CDIN1: variants seen among roughly 807,000 people sequenced by gnomAD.
CDIN1 encodes the protein CDAN1-interacting nuclease 1.
A neutral mutation model predicts 45.3 loss-of-function variants in CDIN1; 33 were observed. The ratio of observed to expected loss-of-function variants is 0.73; its 90% CI spans 0.55 to 0.97. The LOEUF is 0.97. Ranked by LOEUF, CDIN1 falls within the 50% of genes least tolerant of loss-of-function variation. The pLI is 0.00. For synonymous variants in CDIN1, 118 were observed against 124.4 expected, an observed-to-expected ratio of 0.95 and a Z score of 0.34; for missense variants, 303 against 339.4, an observed-to-expected ratio of 0.89 and a Z score of 0.84.
intron 1 of CDIN1, among the ~76,000 whole-genome samples, chr15:36,603,342 G>C (rs1455870527): frequency 6.6e-6 from 1 of 152,182 alleles, no homozygotes; most frequent in Non-Finnish European, 1.5e-5. Flanking sequence ...AAAGTAAAGG[G>C]TTAGATAATC....
intron 1 of CDIN1, among the ~76,000 whole-genome samples, chr15:36,621,721 G>A (rs772911885): frequency 1.3e-4 from 20 of 152,102 alleles, no homozygotes; most frequent in Non-Finnish European, 2.4e-4. Context: ...TAAACATTCT[G>A]TAAAAACAAA....
At chr15:36,702,256 G>A in intron 8 of CDIN1, 2 of 644,588 alleles carry the variant, frequency 3.1e-6, no homozygotes, top group Non-Finnish European at 5.6e-6. Flanking sequence ...GGTGGGAGGT[G>A]GGGGATTTGG....
chr15:36,661,248 T>A (rs886404695), intron 5 of CDIN1, among the ~76,000 whole-genome samples: 2 of 152,206 alleles, frequency 1.3e-5, no homozygotes. Flanking sequence ...CAGGTTTTCC[T>A]GTCACATCAC....
intron 1 of CDIN1, chr15:36,591,995 T>C (rs717315): frequency 0.58 from 88,217 of 152,092 alleles, 25,875 homozygotes; most frequent in Middle Eastern, 0.68. Flanking sequence ...GTGGCCACTT[T>C]ATGCCAGCCA....
chr15:36,793,109 G>T (rs2054691291), intron 10 of CDIN1, among the ~76,000 whole-genome samples: 1 of 152,114 alleles, frequency 6.6e-6, no homozygotes, highest in Non-Finnish European at 1.5e-5. Flanking sequence ...TCAGAGCCTT[G>T]CCAGGTAAGA....
chr15:36,701,493 G>A (rs11636325), intron 8 of CDIN1, among the ~76,000 whole-genome samples: 67,722 of 151,876 alleles, frequency 0.45, 15,740 homozygotes, highest in African/African-American at 0.58. Flanking sequence ...AAGACAGTTT[G>A]CCCTGTTAGC....
intron 3 of CDIN1, among the ~76,000 whole-genome samples, chr15:36,652,677 T>C (rs1056764647): frequency 1.3e-5 from 2 of 152,216 alleles, no homozygotes; most frequent in African/African-American, 4.8e-5. Flanking sequence ...GTGGCCCCAA[T>C]ATGTGGAAAA....
At chr15:36,787,100 CTTTGT>C (rs1259275526) in intron 10 of CDIN1, among the ~76,000 whole-genome samples, 2 of 152,172 alleles carry the variant, frequency 1.3e-5, no homozygotes, top group Non-Finnish European at 2.9e-5. Context: ...CAGATTCAAT[CTTTGT>C]TTTGTTTTTA....
At chr15:36,680,772 G>T (rs1310031163) in intron 5 of CDIN1, among the ~76,000 whole-genome samples, 2 of 152,136 alleles carry the variant, frequency 1.3e-5, no homozygotes, top group Non-Finnish European at 2.9e-5. Context: ...GTGGCCTTGG[G>T]TTGTGCAGTA....
chr15:36,592,552 A>G (rs1416088965), intron 1 of CDIN1, among the ~76,000 whole-genome samples: 1 of 152,156 alleles, frequency 6.6e-6, no homozygotes, highest in African/African-American at 2.4e-5. Context: ...GACTCACACT[A>G]CTACCATGTG....
intron 10 of CDIN1, among the ~76,000 whole-genome samples, chr15:36,754,159 G>T (rs2140979133): frequency 6.6e-6 from 1 of 152,236 alleles, no homozygotes; most frequent in Middle Eastern, 3.4e-3. Context: ...GGCCCTCTAA[G>T]TATATTCTGG....
intron 10 of CDIN1, among the ~76,000 whole-genome samples, chr15:36,754,394 A>G (rs1024678890): frequency 6.6e-6 from 1 of 152,154 alleles, no homozygotes; most frequent in African/African-American, 2.4e-5. Context: ...CTCTTTAAAT[A>G]TTAAAATGGA....
chr15:36,738,224 C>T (rs552515734), intron 10 of CDIN1, among the ~76,000 whole-genome samples: 2 of 152,246 alleles, frequency 1.3e-5, no homozygotes, highest in African/African-American at 4.8e-5. Flanking sequence ...CCCTGAACTT[C>T]AGGACCCATA....
chr15:36,629,191 A>G lies in CDIN1; in HGVS notation c.102-15087A>G, dbSNP rs775592895. The stretch of plus-strand genomic sequence containing the variant: ...AAATTTCTGTTATTTTAATCCACCA[A>G]GTTTTTGGTAATTTGTTACAGTAAC... On this transcript the variant is annotated intron_variant, in intron 1 of 10. Coordinates refer to ENST00000566621, the MANE Select transcript of CDIN1 (RefSeq NM_001321759.2). Among the ~76,000 whole-genome samples the G allele has an allele frequency of 5.3e-5, 8 of 152,202 alleles. No individual in the cohort carries two copies. The East Asian group carries it at 5.8e-4, about 11-fold the overall frequency.
intron 8 of CDIN1, among the ~76,000 whole-genome samples, chr15:36,703,293 T>C (rs1566914684): frequency 9.1e-6 from 1 of 110,430 alleles, no homozygotes; most frequent in Non-Finnish European, 1.8e-5. Context: ...GATATATACA[T>C]ATATCAGATA....
At position 36,692,174 on chromosome 15, in the gene CDIN1, C is replaced by T. The variant is rs1282843097; in HGVS notation, c.475C>T (p.His159Tyr). 6.2e-7 allele frequency: 1 copy of T among 1,613,508 alleles called. No individual in the cohort carries two copies. The highest frequency in any genetic ancestry group is 8.5e-7 in the Non-Finnish European group (1 of 1,179,714). ...CGGACCACTAGTGGACTGCATCAAGCAGTATCCTTTCCCATAAAATTTTAG... is the reference window on the plus strand; with the variant it reads ...CGGACCACTAGTGGACTGCATCAAGTAGTATCCTTTCCCATAAAATTTTAG... ...CYGPLVDCIKHAIGHEHEVLL... is the reference protein window; with the variant it reads ...CYGPLVDCIKYAIGHEHEVLL... Residue 159 changes from histidine to tyrosine, a missense_variant and splice_region_variant, in exon 7 of 11, where the codon CAT (histidine) becomes TAT (tyrosine). Physicochemically the swap from His to Tyr is moderately conservative, Grantham distance 83. Transcript: ENST00000566621.
intron 10 of CDIN1, among the ~76,000 whole-genome samples, chr15:36,748,637 T>G (rs1434968480): frequency 6.6e-6 from 1 of 152,178 alleles, no homozygotes; most frequent in Non-Finnish European, 1.5e-5. Context: ...TTTTTTCCAT[T>G]TTAGATTTAG....
chr15:36,755,537 T>C (rs1055395325), intron 10 of CDIN1, among the ~76,000 whole-genome samples: 7 of 152,154 alleles, frequency 4.6e-5, no homozygotes, highest in African/African-American at 1.7e-4. Context: ...AGTAGTGCAG[T>C]GTAATATACA....
At chr15:36,667,048 C>G (rs1330303160) in intron 5 of CDIN1, among the ~76,000 whole-genome samples, 1 of 152,202 alleles carries the variant, frequency 6.6e-6, no homozygotes, top group Non-Finnish European at 1.5e-5. Flanking sequence ...GATTCCAGAG[C>G]CTGTGCTCCT....
Sources: allele counts gnomAD v4.1 joint callset (sites outside exome capture counted in the v4.1 genomes callset), GRCh38; gene constraint gnomAD v4.1.1; transcripts MANE v1.5; gene names NCBI Gene and HGNC (gene_info 2026-07-23, HGNC 2026-07-21).